KCNG2: variants seen among roughly 807,000 people sequenced by gnomAD.
KCNG2 encodes voltage-gated potassium channel regulatory subunit KCNG2.
Under a neutral mutation model 12.3 loss-of-function variants are expected in KCNG2, and 7 were observed. The ratio of observed to expected loss-of-function variants is 0.57; its 90% CI spans 0.32 to 1.07. The LOEUF (loss-of-function observed/expected upper bound fraction) is 1.07. KCNG2 is among the 50% of genes least tolerant of loss of function. The pLI, the probability that KCNG2 is intolerant of heterozygous loss-of-function variation, is 0.04. For missense variants in KCNG2, 703 were observed against 726.0 expected (o/e 0.97, Z 0.36); for synonymous variants, 414 against 351.4 (o/e 1.18, Z -1.99).
chr18:79,876,973 G>A (rs895612315), intron 3 of KCNG2, among the ~76,000 whole-genome samples: 1 of 152,234 alleles, frequency 6.6e-6, no homozygotes, highest in Non-Finnish European at 1.5e-5. Context: ...CACAAAACGA[G>A]TTAACGCAGG....
intron 2 of KCNG2, among the ~76,000 whole-genome samples, chr18:79,859,148 G>T (rs1215703325): frequency 6.6e-6 from 1 of 152,128 alleles, no homozygotes; most frequent in Non-Finnish European, 1.5e-5. Flanking sequence ...TCTCATCCAT[G>T]GTCATGAAGA....
At chr18:79,825,850 C>T (rs7245159) in intron 1 of KCNG2, among the ~76,000 whole-genome samples, 2,055 of 152,362 alleles carry the variant, frequency 0.013, 38 homozygotes, top group African/African-American at 0.044. Context: ...CCTGACCTGA[C>T]CGTGCACTGT....
At chr18:79,807,835 TGCCGGGGCCGC>T (rs2087463241) in intron 1 of KCNG2, among the ~76,000 whole-genome samples, 1 of 130,988 alleles carries the variant, frequency 7.6e-6, no homozygotes, top group African/African-American at 3.0e-5. Flanking sequence ...TCTGAGGAGC[TGCCGGGGCCGC>T]GCTGACCACA....
chr18:79,833,994 C>T (rs1453712810), intron 1 of KCNG2, among the ~76,000 whole-genome samples: 4 of 152,266 alleles, frequency 2.6e-5, no homozygotes, highest in African/African-American at 9.6e-5. Flanking sequence ...AGGCCAGTAA[C>T]GTGCAGGGCA....
chr18:79,897,114 T>C (rs1290952292), intron 3 of KCNG2, among the ~76,000 whole-genome samples: 2 of 110,554 alleles, frequency 1.8e-5, no homozygotes, highest in South Asian at 8.3e-4. Flanking sequence ...ATGTAGGTTA[T>C]TGTTTTTAAA....
chr18:79,853,618 G>A (rs1182444903), intron 1 of KCNG2, among the ~76,000 whole-genome samples: 2 of 152,182 alleles, frequency 1.3e-5, no homozygotes, highest in Non-Finnish European at 2.9e-5. Flanking sequence ...TAGGGCTGTG[G>A]GTGCAGCGGA....
In KCNG2 at chr18:79,899,444, CGAGCGCGAGCT is replaced by C; in HGVS notation, c.1031_1041del (p.Glu344GlyfsTer166). The C allele has an allele frequency of 6.3e-7, 1 of 1,596,608 alleles. No homozygotes were observed. Among genetic ancestry groups the C allele is most frequent in the Non-Finnish European group, 8.5e-7 (1 of 1,173,960 alleles). ...TCTTCGCGCCACTGGTGCACCTGGC[CGAGCGCGAGCT>C]GGGCGCGCGCCGCGACTTCTCCAGC... On this transcript the variant is annotated frameshift_variant, in exon 4 of 4. Transcript: ENST00000316249. LOFTEE classifies it low-confidence loss of function (END_TRUNC).
intron 1 of KCNG2, among the ~76,000 whole-genome samples, chr18:79,818,250 A>G (rs1024520905): frequency 2.6e-5 from 4 of 152,146 alleles, no homozygotes; most frequent in African/African-American, 9.7e-5. Flanking sequence ...CCCTCCTCCC[A>G]GAAGGAGGCA....
At chr18:79,829,055 C>T (rs1359936714) in intron 1 of KCNG2, among the ~76,000 whole-genome samples, 1 of 79,358 alleles carries the variant, frequency 1.3e-5, no homozygotes, top group Non-Finnish European at 2.8e-5. Context: ...GTGTGTGTAA[C>T]GTGTCTGTGT....
chr18:79,875,682 G>A (rs1038971581), intron 3 of KCNG2, among the ~76,000 whole-genome samples: 7 of 152,296 alleles, frequency 4.6e-5, no homozygotes, highest in South Asian at 2.1e-4. Context: ...GTCCTGAGTC[G>A]GGGAGGTGCA....
At chr18:79,809,476 A>G (rs1374629216) in intron 1 of KCNG2, among the ~76,000 whole-genome samples, 2 of 102,040 alleles carry the variant, frequency 2.0e-5, no homozygotes, top group Non-Finnish European at 4.3e-5. Flanking sequence ...CGCTGACCAC[A>G]CTCCACGTTA....
intron 1 of KCNG2, among the ~76,000 whole-genome samples, chr18:79,852,295 G>C (rs1162466392): frequency 6.6e-6 from 1 of 152,204 alleles, no homozygotes; most frequent in East Asian, 1.9e-4. Context: ...TTCCAATAAC[G>C]CGCCATCTAT....
At chr18:79,871,438 T>A (rs1979827681) in intron 3 of KCNG2, among the ~76,000 whole-genome samples, 1 of 152,192 alleles carries the variant, frequency 6.6e-6, no homozygotes, top group South Asian at 2.1e-4. Flanking sequence ...TCAGAGCTGA[T>A]TTCTTCAGAA....
rs1370643172 is a variant in KCNG2 at position 79,884,850 on chromosome 18, A to G, written c.625-14190A>G. On this transcript the variant is annotated intron_variant, in intron 3 of 3. Transcript: ENST00000316249. This position sits in a 1 kb window ranked among gnomAD's most constrained non-coding sequence, Gnocchi z 5.5. ...GAGCAAACTTGCTTTTCCCATTCAC[A>G]GAAACACAGTAGCGTGCGCGGGTCG... is the stretch of plus-strand genomic sequence containing the variant. Among the ~76,000 whole-genome samples, 2 of 152,176 alleles carry G rather than the reference A, an allele frequency of 1.3e-5. No individual in the cohort carries two copies. The highest frequency in any genetic ancestry group is 4.8e-5 in the African/African-American group (2 of 41,442).
chr18:79,844,436 TTA>T (rs1357038994), intron 1 of KCNG2, among the ~76,000 whole-genome samples: 6 of 152,270 alleles, frequency 3.9e-5, no homozygotes, highest in African/African-American at 1.4e-4. Flanking sequence ...GTACAAAGTT[TTA>T]GTTATACAAG....
At chr18:79,828,677 G>A (rs1978288193) in intron 1 of KCNG2, among the ~76,000 whole-genome samples, 1 of 151,960 alleles carries the variant, frequency 6.6e-6, no homozygotes, top group South Asian at 2.1e-4. Context: ...GCATGTCTAT[G>A]TGTGCGTGTG....
chr18:79,854,600 C>A (rs1204947074), intron 1 of KCNG2, among the ~76,000 whole-genome samples: 1 of 146,138 alleles, frequency 6.8e-6, no homozygotes, highest in Non-Finnish European at 1.5e-5. Flanking sequence ...GATCTTGGCT[C>A]ACTGCAAGCT....
chr18:79,804,877 T>C (rs1048554987), intron 1 of KCNG2, among the ~76,000 whole-genome samples: 1 of 152,224 alleles, frequency 6.6e-6, no homozygotes, highest in African/African-American at 2.4e-5. Context: ...TTGCGTAAGA[T>C]TGCAACTGTC....
At chr18:79,808,024 C>T (rs1383833331) in intron 1 of KCNG2, among the ~76,000 whole-genome samples, 1 of 128,076 alleles carries the variant, frequency 7.8e-6, no homozygotes, top group African/African-American at 3.3e-5. Context: ...CTGCCGGGGC[C>T]GCGCTGACCA....
Sources: gnomAD v4.1 joint callset for allele counts (sites outside exome capture counted in the v4.1 genomes callset) on GRCh38, gnomAD v4.1.1 for gene constraint, Gnocchi (gnomAD v3.1) non-coding constraint, MANE v1.5 for transcripts, NCBI Gene and HGNC (gene_info 2026-07-23, HGNC 2026-07-21) for gene names.